Variants in TMEM51 observed in about 807,000 individuals in gnomAD.
TMEM51 encodes transmembrane protein 51, also known as chromosome 1 open reading frame 72.
A neutral mutation model predicts 13.6 loss-of-function variants in TMEM51; 8 were observed. The observed-to-expected ratio is 0.59, with a 90% CI of 0.35 to 1.07. The LOEUF is 1.07. TMEM51 is among the 50% of genes least tolerant of loss of function. The pLI, the probability that TMEM51 is intolerant of heterozygous loss-of-function variation, is 0.02. For missense variants in TMEM51, 279 were observed against 330.7 expected (o/e 0.84, Z 1.21); for synonymous variants, 147 against 144.4 (o/e 1.02, Z -0.13).
chr1:15,209,768 C>A (rs893154175), intron 1 of TMEM51, among the ~76,000 whole-genome samples: 6 of 152,082 alleles, frequency 3.9e-5, no homozygotes, highest in Non-Finnish European at 8.8e-5. Context: ...CTGGGTGCTC[C>A]CTTCTGTAAT....
intron 1 of TMEM51, among the ~76,000 whole-genome samples, chr1:15,203,507 C>T (rs564117310): frequency 2.6e-5 from 4 of 152,190 alleles, no homozygotes; most frequent in East Asian, 3.9e-4. Flanking sequence ...ATGATCCACC[C>T]GCATCGGCTT....
intron 2 of TMEM51, among the ~76,000 whole-genome samples, chr1:15,212,217 C>CT (rs1353013727): frequency 2.6e-5 from 4 of 152,154 alleles, no homozygotes; most frequent in Non-Finnish European, 5.9e-5. Flanking sequence ...AATGCCAAAA[C>CT]TTGCCATCTA....
intron 1 of TMEM51, among the ~76,000 whole-genome samples, chr1:15,169,806 C>T (rs538341097): frequency 6.6e-6 from 1 of 152,080 alleles, no homozygotes; most frequent in African/African-American, 2.4e-5. Flanking sequence ...ACGAAGCTGT[C>T]CATTTTTTAT....
At chr1:15,208,045 G>T (rs1644280154) in intron 1 of TMEM51, among the ~76,000 whole-genome samples, 1 of 152,148 alleles carries the variant, frequency 6.6e-6, no homozygotes, top group Non-Finnish European at 1.5e-5. Flanking sequence ...TAAGTTCCTG[G>T]CATGCGGTGC....
At chr1:15,177,912 C>T (rs1643498488) in intron 1 of TMEM51, among the ~76,000 whole-genome samples, 1 of 152,200 alleles carries the variant, frequency 6.6e-6, no homozygotes, top group Admixed American at 6.5e-5. Flanking sequence ...AGTCTTCTAA[C>T]CCATACGCGC....
chr1:15,154,059 C>G lies in TMEM51; in HGVS notation c.-267+105C>G, dbSNP rs370390178. ...CCGAGGCCCGTTTGGGTCTCCTGTCCGTCCGTCTGTCCGCCGAGCGCTTCC... is the reference window on the plus strand; with the variant it reads ...CCGAGGCCCGTTTGGGTCTCCTGTCGGTCCGTCTGTCCGCCGAGCGCTTCC... On this transcript the variant is annotated intron_variant, in intron 1 of 3. Transcript: ENST00000376008. 7 of 152,294 alleles carry G rather than the reference C, an allele frequency of 4.6e-5. No individual in the cohort carries two copies. The East Asian group carries it at 1.4e-3, about 30-fold the overall frequency. The allele number at this position is 152,294 out of a possible 1,614,324, so 9.4% of individuals were successfully genotyped here. A position where few individuals can be genotyped will look rare whatever the true frequency, so the allele number is the denominator to read the frequency against.
intron 1 of TMEM51, among the ~76,000 whole-genome samples, chr1:15,198,401 CA>C (rs140156922): frequency 0.014 from 2,109 of 152,190 alleles, 56 homozygotes; most frequent in African/African-American, 0.049. Context: ...TTGGGAACCA[CA>C]AATAGGCAAA....
chr1:15,219,421 G>A lies in TMEM51; in HGVS notation c.440G>A (p.Gly147Glu), dbSNP rs534947999. The A allele has an allele frequency of 6.2e-7, 1 of 1,613,876 alleles. No homozygotes were observed. Among genetic ancestry groups the A allele is most frequent in the East Asian group, 2.2e-5 (1 of 44,860 alleles). Residue 147 changes from glycine (G) to glutamate (E), a missense_variant, in exon 4 of 4, where the codon GGA (glycine) becomes GAA (glutamate). By Grantham distance (98) the Gly-to-Glu change is moderately conservative. Transcript: ENST00000376008. Reference protein sequence around the residue: ...VMNTNYSEARGEEQNPRLSIS... With the variant: ...VMNTNYSEAREEEQNPRLSIS... ...AACACAAACTACTCAGAAGCAAGGG[G>A]AGAGGAGCAGAACCCGAGGTTGAGC...
At chr1:15,160,126 T>C (rs540319381) in intron 1 of TMEM51, among the ~76,000 whole-genome samples, 3 of 152,310 alleles carry the variant, frequency 2.0e-5, no homozygotes, top group African/African-American at 7.2e-5. Context: ...TCCTCACATG[T>C]GGTCTAGGGA....
At chr1:15,191,067 G>A (rs1329589844) in intron 1 of TMEM51, among the ~76,000 whole-genome samples, 6 of 152,224 alleles carry the variant, frequency 3.9e-5, no homozygotes, top group African/African-American at 9.6e-5. Context: ...GATTACAGGC[G>A]TGAGCCACTG....
chr1:15,153,389 T>C (rs1383115081), upstream of TMEM51, among the ~76,000 whole-genome samples: 1 of 151,946 alleles, frequency 6.6e-6, no homozygotes, highest in East Asian at 2.0e-4. Context: ...CCACCACCCG[T>C]CACACACACG....
At chr1:15,177,347 G>A (rs1010762843) in intron 1 of TMEM51, among the ~76,000 whole-genome samples, 1 of 152,204 alleles carries the variant, frequency 6.6e-6, no homozygotes, top group African/African-American at 2.4e-5. Context: ...TCAGGGAAGG[G>A]AGAGAATGCC....
rs1557859712 is a variant in TMEM51, at chr1:15,215,040, ACATT to A, written c.-47_-44del. 6.5e-7 allele frequency: 1 copy of A among 1,536,276 alleles called. No homozygotes were observed. Among genetic ancestry groups the A allele is most frequent in the East Asian group, 2.3e-5 (1 of 44,120 alleles). ...TTTTGTTGTGACTGCTGCCTTGTAT[ACATT>A]TATTTTCTTTCTTGGAACTGGGCCT... is the stretch of plus-strand genomic sequence containing the variant. On this transcript the variant is annotated 5_prime_UTR_variant, in exon 3 of 4. Coordinates refer to ENST00000376008, the MANE Select transcript of TMEM51 (RefSeq NM_001136218.2).
At chr1:15,193,525 C>A (rs1573422503) in intron 1 of TMEM51, among the ~76,000 whole-genome samples, 1 of 151,808 alleles carries the variant, frequency 6.6e-6, no homozygotes, top group East Asian at 1.9e-4. Flanking sequence ...CCTGGACTCT[C>A]AGAAGTGGCT....
intron 1 of TMEM51, among the ~76,000 whole-genome samples, chr1:15,173,712 A>G (rs1643370877): frequency 6.6e-6 from 1 of 151,834 alleles, no homozygotes; most frequent in South Asian, 2.1e-4. Context: ...TCATCTGTCA[A>G]AGAAGAGCCT....
intron 1 of TMEM51, among the ~76,000 whole-genome samples, chr1:15,200,474 G>A (rs146528028): frequency 1.6e-4 from 24 of 150,562 alleles, no homozygotes; most frequent in Non-Finnish European, 3.1e-4. Context: ...GGACAACCGC[G>A]TGAGGACAGA....
intron 1 of TMEM51, among the ~76,000 whole-genome samples, chr1:15,206,433 G>A (rs1383125415): frequency 2.0e-5 from 3 of 152,110 alleles, no homozygotes; most frequent in South Asian, 4.2e-4. Flanking sequence ...TGGGAACCTC[G>A]GTGCCTTGCC....
intron 1 of TMEM51, among the ~76,000 whole-genome samples, chr1:15,186,793 G>A (rs1246259356): frequency 1.4e-5 from 2 of 144,264 alleles, no homozygotes; most frequent in Non-Finnish European, 3.0e-5. Flanking sequence ...CTCTCTGAGA[G>A]CAGTGGAGAG....
At chr1:15,171,287 GT>G (rs2100836924) in intron 1 of TMEM51, 1 of 1,304,182 alleles carries the variant, frequency 7.7e-7, no homozygotes, top group East Asian at 5.6e-5. Flanking sequence ...ATCCTTCCAG[GT>G]CAATGAGAGA....
Sources: allele counts gnomAD v4.1 joint callset (sites outside exome capture counted in the v4.1 genomes callset), GRCh38; gene constraint gnomAD v4.1.1; transcripts MANE v1.5; gene names NCBI Gene and HGNC (gene_info 2026-07-23, HGNC 2026-07-21).